Variants in ZDHHC14 observed in about 807,000 individuals in gnomAD.
ZDHHC14 encodes the protein palmitoyltransferase ZDHHC14.
ZDHHC14 carries 16 observed loss-of-function variants against 47.7 expected under a neutral mutation model. The observed-to-expected ratio is 0.34, with a 90% CI of 0.23 to 0.51. ZDHHC14 has a LOEUF of 0.51. Ranked by LOEUF, ZDHHC14 falls within the 20% of genes least tolerant of loss-of-function variation. ZDHHC14 has a pLI of 0.97. For synonymous variants in ZDHHC14, 293 were observed against 278.9 expected (o/e 1.05, Z -0.50); for missense variants, 515 against 662.5 (o/e 0.78, Z 2.44).
intron 1 of ZDHHC14, among the ~76,000 whole-genome samples, chr6:157,392,794 A>ACCTCC (rs1249718999): frequency 6.6e-6 from 1 of 150,846 alleles, no homozygotes; most frequent in Non-Finnish European, 1.5e-5. Context: ...ATTACAGTAG[A>ACCTCC]CCTCCCTGTC....
At chr6:157,635,903 G>A (rs904696907) in intron 5 of ZDHHC14, among the ~76,000 whole-genome samples, 1 of 152,110 alleles carries the variant, frequency 6.6e-6, no homozygotes, top group South Asian at 2.1e-4. Context: ...TTCCCTATTG[G>A]CCCAGTTTTT....
At chr6:157,556,927 G>C (rs533511555) in intron 2 of ZDHHC14, among the ~76,000 whole-genome samples, 5 of 152,292 alleles carry the variant, frequency 3.3e-5, no homozygotes, top group Non-Finnish European at 7.4e-5. Flanking sequence ...TGAGGGGCTC[G>C]GGTTAGAGAT....
At chr6:157,623,294 TAGTG>T (rs1377037129) in intron 3 of ZDHHC14, among the ~76,000 whole-genome samples, 2 of 152,134 alleles carry the variant, frequency 1.3e-5, no homozygotes, top group Admixed American at 6.5e-5. Context: ...ATTCTCATGA[TAGTG>T]AGTGAGTTCT....
At chr6:157,659,901 G>A (rs545596907) in intron 8 of ZDHHC14, among the ~76,000 whole-genome samples, 116 of 152,298 alleles carry the variant, frequency 7.6e-4, no homozygotes, top group African/African-American at 2.6e-3. Flanking sequence ...AGTCAGAATC[G>A]CAAGCTGAAC....
At chr6:157,545,620 G>A (rs1004748454) in intron 2 of ZDHHC14, among the ~76,000 whole-genome samples, 2 of 151,924 alleles carry the variant, frequency 1.3e-5, no homozygotes, top group Admixed American at 6.6e-5. Context: ...AGAGCTTGCA[G>A]CCGAGATCAC....
rs113632825 is a variant in ZDHHC14 at position 157,414,217 on chromosome 6, C to G, written c.245+31951C>G. Among the ~76,000 whole-genome samples, 94 of 152,194 alleles carry G rather than the reference C, an allele frequency of 6.2e-4. 1 individual carries two copies. Among genetic ancestry groups the G allele is most frequent in the Non-Finnish European group, 1.9e-4 (13 of 68,030 alleles). ...TTGATTACAGGCGTGCACCACCATG[C>G]GCAGCTGAGAGAGCACTGGGTTCTT... On this transcript the variant is annotated intron_variant, in intron 1 of 8. Transcript: ENST00000359775.
At chr6:157,493,519 C>A (rs747046730) in intron 1 of ZDHHC14, among the ~76,000 whole-genome samples, 1 of 152,204 alleles carries the variant, frequency 6.6e-6, no homozygotes, top group Non-Finnish European at 1.5e-5. Context: ...GCCAGTCAGA[C>A]GAATTTCCTG....
intron 3 of ZDHHC14, among the ~76,000 whole-genome samples, chr6:157,605,961 T>C (rs1177899040): frequency 6.6e-6 from 1 of 152,204 alleles, no homozygotes; most frequent in African/African-American, 2.4e-5. Flanking sequence ...AAGCTCAACT[T>C]GCTAGTTCTT....
At chr6:157,524,555 C>G (rs184026445) in intron 1 of ZDHHC14, among the ~76,000 whole-genome samples, 186 of 152,300 alleles carry the variant, frequency 1.2e-3, no homozygotes, top group Non-Finnish European at 1.8e-3. Flanking sequence ...TCTTACATAT[C>G]TTTGTTTACA....
chr6:157,447,564 A>G lies in ZDHHC14; in HGVS notation c.245+65298A>G, dbSNP rs568705221. Among the ~76,000 whole-genome samples, 379 of 152,236 alleles carry G rather than the reference A, an allele frequency of 2.5e-3. 2 individuals are homozygous for G. Among genetic ancestry groups the G allele is most frequent in the African/African-American group, 8.8e-3 (364 of 41,550 alleles). On this transcript the variant is annotated intron_variant, in intron 1 of 8. Transcript: ENST00000359775. Reference sequence around the variant, plus strand: ...ACAGGCAGGCTGGGCTGTCCCCTCCAAGTGACAGGGAACAGAGGCAGGGGT... The same window carrying G: ...ACAGGCAGGCTGGGCTGTCCCCTCCGAGTGACAGGGAACAGAGGCAGGGGT...
intron 1 of ZDHHC14, among the ~76,000 whole-genome samples, chr6:157,384,777 A>G (rs948590341): frequency 2.6e-5 from 4 of 152,176 alleles, no homozygotes; most frequent in African/African-American, 9.7e-5. Flanking sequence ...CCAAAGAACA[A>G]GTTAACCCCA....
At chr6:157,388,691 G>C (rs1457043892) in intron 1 of ZDHHC14, among the ~76,000 whole-genome samples, 1 of 152,170 alleles carries the variant, frequency 6.6e-6, no homozygotes, top group Non-Finnish European at 1.5e-5. Flanking sequence ...TTATAAACTG[G>C]ATGATCTTCT....
intron 2 of ZDHHC14, among the ~76,000 whole-genome samples, chr6:157,570,434 A>G (rs1254683116): frequency 6.6e-6 from 1 of 152,238 alleles, no homozygotes; most frequent in Non-Finnish European, 1.5e-5. Flanking sequence ...AAATATTTCT[A>G]GCTTTGGCTT....
In ZDHHC14 at chr6:157,673,037, G is replaced by A. The variant is rs754058940; in HGVS notation, c.1382G>A (p.Arg461His). The A allele has an allele frequency of 1.3e-4, 209 of 1,565,114 alleles. 1 individual carries two copies. The highest frequency in any genetic ancestry group is 2.0e-4 in the Middle Eastern group (1 of 4,884). ...LAAGSPLAHS[R>H]TMHVLGLASQ... Reference sequence around the variant, plus strand: ...GCGGGCAGCCCCCTGGCGCACAGCCGCACCATGCACGTGCTGGGCCTGGCC... The same window carrying A: ...GCGGGCAGCCCCCTGGCGCACAGCCACACCATGCACGTGCTGGGCCTGGCC... The change falls in exon 9 of 9, where the codon CGC becomes CAC. Residue 461 changes from arginine (R) to histidine (H), a missense_variant. Around this residue, in one of 4 missense-constraint regions of ZDHHC14, gnomAD observed 221 missense variants for 233.6 expected, o/e 0.95. Coordinates refer to ENST00000359775, the MANE Select transcript of ZDHHC14 (RefSeq NM_024630.3). This position sits in a 1 kb window ranked among gnomAD's most constrained non-coding sequence, Gnocchi z 5.4.
intron 4 of ZDHHC14, chr6:157,630,518 TCA>T (rs1785636392): frequency 6.6e-6 from 1 of 151,738 alleles, no homozygotes; most frequent in African/African-American, 2.4e-5. Context: ...ACCAATACGC[TCA>T]CACTCACACA....
chr6:157,405,521 C>T lies in ZDHHC14; in HGVS notation c.245+23255C>T, dbSNP rs556713526. 2.1e-4 allele frequency among the ~76,000 whole-genome samples: 32 copies of T among 152,216 alleles called. No individual in the cohort carries two copies. In the South Asian group the frequency reaches 5.8e-3, roughly 28 times the overall value. On this transcript the variant is annotated intron_variant, in intron 1 of 8. Transcript: ENST00000359775. ...TGCTGGGATTACAGGCGTGAGCCACCGTGCCTGGCCGAGCTCAAAATTTTT... is the reference window on the plus strand; with the variant it reads ...TGCTGGGATTACAGGCGTGAGCCACTGTGCCTGGCCGAGCTCAAAATTTTT...
intron 1 of ZDHHC14, among the ~76,000 whole-genome samples, chr6:157,395,442 A>G (rs1350224059): frequency 6.6e-6 from 1 of 151,564 alleles, no homozygotes; most frequent in Non-Finnish European, 1.5e-5. Context: ...CTGAGATTAC[A>G]GGTGTGAGCC....
intron 3 of ZDHHC14, among the ~76,000 whole-genome samples, chr6:157,606,482 GA>G (rs1422943278): frequency 2.6e-5 from 4 of 152,082 alleles, no homozygotes; most frequent in African/African-American, 4.8e-5. Flanking sequence ...AAAGAAAAAA[GA>G]AAAATCTGAG....
intron 3 of ZDHHC14, among the ~76,000 whole-genome samples, chr6:157,600,655 C>T (rs1784303934): frequency 6.6e-6 from 1 of 152,204 alleles, no homozygotes; most frequent in Non-Finnish European, 1.5e-5. Context: ...ATTGGCCCAC[C>T]TTGACATCCC....
Sources: allele counts gnomAD v4.1 joint callset (sites outside exome capture counted in the v4.1 genomes callset), GRCh38; gene constraint gnomAD v4.1.1; regional missense constraint gnomAD v4.1.1; non-coding constraint Gnocchi (gnomAD v3.1); transcripts MANE v1.5; gene names NCBI Gene and HGNC (gene_info 2026-07-23, HGNC 2026-07-21).